ADARB1: variants seen among roughly 807,000 people sequenced by gnomAD.
ADARB1 encodes double-stranded RNA-specific editase 1.
In ADARB1, 10 loss-of-function variants were observed where a neutral mutation model predicts 52.4. That is an observed-to-expected ratio of 0.19 (90% CI 0.12 to 0.32). The LOEUF is 0.32. ADARB1 is among the 10% of genes least tolerant of loss of function. The probability of loss-of-function intolerance (pLI) is 1.00; values close to 1 mark genes in which losing one functional copy is unlikely to be tolerated. For missense variants in ADARB1, 643 were observed against 922.3 expected, an observed-to-expected ratio of 0.70 and a Z score of 3.92; for synonymous variants, 349 against 371.1, an observed-to-expected ratio of 0.94 and a Z score of 0.68.
chr21:45,129,384 C>G (rs2088791054), intron 2 of ADARB1, among the ~76,000 whole-genome samples: 1 of 152,222 alleles, frequency 6.6e-6, no homozygotes, highest in Non-Finnish European at 1.5e-5. Context: ...GAGTGACTAA[C>G]TCAGGAAGTC....
chr21:45,175,749 G>A lies in ADARB1; in HGVS notation c.48G>A (p.Val16=), dbSNP rs1413947451. The change falls in exon 4 of 11, where the codon GTG becomes GTA. Residue 16 remains valine (V), a synonymous_variant. Coordinates refer to ENST00000348831, the MANE Select transcript of ADARB1 (RefSeq NM_001112.4). ...CCACAGGTTCCAGCAGCACTGATGT[G>A]AAGGAAAACCGCAATCTGGACAACG... ...EENMSSSSTD[V]KENRNLDNVS... 1.2e-6 allele frequency: 2 copies of A among 1,614,070 alleles called. No individual in the cohort carries two copies. Among genetic ancestry groups the A allele is most frequent in the Admixed American group, 3.3e-5 (2 of 60,022 alleles).
intron 2 of ADARB1, among the ~76,000 whole-genome samples, chr21:45,141,174 C>A (rs1051903239): frequency 6.6e-6 from 1 of 151,998 alleles, no homozygotes; most frequent in African/African-American, 2.4e-5. Context: ...CCAGCCTGGG[C>A]GACAGAGCGA....
In ADARB1 at chr21:45,224,593, G is replaced by C. The variant is rs1332545065; in HGVS notation, c.*2396G>C. 2 of 655,180 alleles carry C rather than the reference G, an allele frequency of 3.1e-6. No homozygotes were observed. Among genetic ancestry groups the C allele is most frequent in the Non-Finnish European group, 3.4e-6 (2 of 595,356 alleles). The allele number at this position is 655,180 out of a possible 1,614,324, so 40.6% of individuals were successfully genotyped here. A position where few individuals can be genotyped will look rare whatever the true frequency, so the allele number is the denominator to read the frequency against. On this transcript the variant is annotated 3_prime_UTR_variant, in exon 11 of 11. Coordinates refer to ENST00000348831, the MANE Select transcript of ADARB1 (RefSeq NM_001112.4). The stretch of plus-strand genomic sequence containing the variant: ...GGGTGCCCTGGGCAGGGGGCTACTG[G>C]GGGGCGGCTGTGAGGAGGAGTTGGG...
chr21:45,204,658 T>G lies in ADARB1; in HGVS notation c.1669T>G (p.Ser557Ala), dbSNP rs755840209. The G allele has an allele frequency of 4.3e-6, 7 of 1,614,076 alleles. No individual in the cohort carries two copies. Among genetic ancestry groups the G allele is most frequent in the Non-Finnish European group, 1.7e-6 (2 of 1,180,052 alleles). ...CAGCCTTTACCACGGGGACCACCTT[T>G]CCAGGGCCATGTACCAGCGGATCTC... is the stretch of plus-strand genomic sequence containing the variant. ...LGSLYHGDHL[S>A]RAMYQRISNI... The change falls in exon 9 of 11, where the codon TCC becomes GCC. Residue 557 changes from serine (S) to alanine (A), a missense_variant. This residue lies in a region of ADARB1 where 263 missense variants were observed against 475.8 expected (regional missense o/e 0.55). Coordinates refer to ENST00000348831, the MANE Select transcript of ADARB1 (RefSeq NM_001112.4). This position sits in a 1 kb window ranked among gnomAD's most constrained non-coding sequence, Gnocchi z 4.4.
chr21:45,179,710 C>T (rs368867747), intron 4 of ADARB1, among the ~76,000 whole-genome samples: 194 of 152,100 alleles, frequency 1.3e-3, no homozygotes, highest in African/African-American at 4.5e-3. Flanking sequence ...TGAGCGGAGT[C>T]AGAGTGCATT....
chr21:45,159,084 T>A (rs2090824778), intron 2 of ADARB1, among the ~76,000 whole-genome samples: 1 of 152,182 alleles, frequency 6.6e-6, no homozygotes. Context: ...GCAAAGGTGA[T>A]CATCTGCATT....
intron 2 of ADARB1, among the ~76,000 whole-genome samples, chr21:45,129,047 G>C (rs1431632069): frequency 6.6e-6 from 1 of 152,026 alleles, no homozygotes; most frequent in Non-Finnish European, 1.5e-5. Flanking sequence ...CCTGGCCAAC[G>C]TGACGAAACC....
Position 45,172,657 on chromosome 21 carries a change from C to T in ADARB1, c.28+973C>T, listed in dbSNP as rs138042960. On this transcript the variant is annotated intron_variant, in intron 3 of 10. Coordinates refer to ENST00000348831, the MANE Select transcript of ADARB1 (RefSeq NM_001112.4). The surrounding 1 kb of genome is among the most constrained non-coding windows in gnomAD (Gnocchi z 4.4). Reference sequence around the variant, plus strand: ...CTGCCCCATGGGTGTGCTGTGGAGGCGGCTGGGCCTCTGCTCTATGGACTG... The same window carrying T: ...CTGCCCCATGGGTGTGCTGTGGAGGTGGCTGGGCCTCTGCTCTATGGACTG... Among the ~76,000 whole-genome samples, 263 of 152,250 alleles carry T rather than the reference C, an allele frequency of 1.7e-3. 3 individuals are homozygous for T. Among genetic ancestry groups the T allele is most frequent in the African/African-American group, 6.0e-3 (250 of 41,548 alleles).
At chr21:45,087,880 C>T (rs180817868) in intron 1 of ADARB1, among the ~76,000 whole-genome samples, 3 of 152,266 alleles carry the variant, frequency 2.0e-5, no homozygotes, top group African/African-American at 7.2e-5. Context: ...CTGAAGAGAA[C>T]TGTACAAAAT....
In ADARB1 at chr21:45,176,786, G is replaced by GTAACTCCTTCTGGT; in HGVS notation, c.963+122_963+123insTAACTCCTTCTGGT. 1 of 1,143,804 alleles carries GTAACTCCTTCTGGT rather than the reference G, an allele frequency of 8.7e-7. No individual in the cohort carries two copies. The highest frequency in any genetic ancestry group is 1.2e-6 in the Non-Finnish European group (1 of 831,178). 70.9% of individuals were successfully genotyped at this position (1,143,804 alleles called of 1,614,324 possible). A position where few individuals can be genotyped will look rare whatever the true frequency, so the allele number is the denominator to read the frequency against. On this transcript the variant is annotated intron_variant, in intron 4 of 10. Transcript: ENST00000348831. This position sits in a 1 kb window ranked among gnomAD's most constrained non-coding sequence, Gnocchi z 5.8. ...CCTTGACATCACTCTGTCCCCACCAGGAGGAGTTACTGGTAAGTCTGGCTG... is the reference window on the plus strand; with the variant it reads ...CCTTGACATCACTCTGTCCCCACCAGTAACTCCTTCTGGTGAGGAGTTACTGGTAAGTCTGGCTG...
chr21:45,191,794 A>C, intron 8 of ADARB1, among the ~76,000 whole-genome samples: 1 of 147,434 alleles, frequency 6.8e-6, no homozygotes. Context: ...CTACTTTCTG[A>C]AGTCTCTTCT....
chr21:45,190,622 C>T (rs2092254794), intron 8 of ADARB1, among the ~76,000 whole-genome samples: 1 of 135,270 alleles, frequency 7.4e-6, no homozygotes, highest in Non-Finnish European at 1.7e-5. Flanking sequence ...CACTAACAAG[C>T]TGGCTAAAAA....
chr21:45,164,157 C>T (rs573986772), intron 2 of ADARB1, among the ~76,000 whole-genome samples: 50 of 152,300 alleles, frequency 3.3e-4, no homozygotes, highest in African/African-American at 1.2e-3. Context: ...TCGCAGGCAC[C>T]ATCGAGGATG....
chr21:45,188,610 ATTG>A lies in ADARB1; in HGVS notation c.1565+3522_1565+3524del, dbSNP rs199721524. On this transcript the variant is annotated intron_variant, in intron 8 of 10. Coordinates refer to ENST00000348831, the MANE Select transcript of ADARB1 (RefSeq NM_001112.4). ...TCTCTTATAGACAGTACATAGTTGA[ATTG>A]TTTTTTTTTTTTAATCCATTTACCC... Among the ~76,000 whole-genome samples, 465 of 109,136 alleles carry A rather than the reference ATTG, an allele frequency of 4.3e-3. 7 individuals are homozygous for A. Among genetic ancestry groups the A allele is most frequent in the South Asian group, 0.02 (63 of 3,166 alleles). The allele number at this position is 109,136 out of a possible 152,430, so 71.6% of individuals were successfully genotyped here.
In ADARB1 at chr21:45,163,424, G is replaced by A. The variant is rs1008200043; in HGVS notation, c.-47-8186G>A. Among the ~76,000 whole-genome samples, 25 of 152,236 alleles carry A rather than the reference G, an allele frequency of 1.6e-4. 1 individual carries two copies. The highest frequency in any genetic ancestry group is 6.5e-5 in the Admixed American group (1 of 15,288). ...TGTGGACACTGAGGATGAGGCTTGA[G>A]TCTGTCCTAGCAGAGCTCAGGGCCT... On this transcript the variant is annotated intron_variant, in intron 2 of 10. Coordinates refer to ENST00000348831, the MANE Select transcript of ADARB1 (RefSeq NM_001112.4).
chr21:45,087,664 C>G (rs1408134598), intron 1 of ADARB1, among the ~76,000 whole-genome samples: 2 of 152,090 alleles, frequency 1.3e-5, no homozygotes, highest in Non-Finnish European at 2.9e-5. Flanking sequence ...TGTGGCCCAG[C>G]TCTTGAAACC....
At chr21:45,180,517 A>G (rs1426657407) in intron 5 of ADARB1, 73 bp downstream of exon 5, 102 of 1,249,186 alleles carry the variant, frequency 8.2e-5, no homozygotes, top group Non-Finnish European at 1.1e-4. Context: ...CTCAATCGAC[A>G]AAAACCACTG....
intron 2 of ADARB1, among the ~76,000 whole-genome samples, chr21:45,159,967 C>T (rs1286029529): frequency 1.3e-5 from 2 of 152,230 alleles, no homozygotes; most frequent in Non-Finnish European, 2.9e-5. Context: ...CAAAAGTCAA[C>T]GTATTAAAGC....
At chr21:45,108,064 A>G (rs7283619) in intron 1 of ADARB1, among the ~76,000 whole-genome samples, 12,357 of 152,218 alleles carry the variant, frequency 0.081, 576 homozygotes, top group East Asian at 0.15. Context: ...TCAAAAAAAA[A>G]GTAACAACTT....
Sources: gnomAD v4.1 joint callset for allele counts (sites outside exome capture counted in the v4.1 genomes callset) on GRCh38, gnomAD v4.1.1 for gene constraint, gnomAD v4.1.1 regional missense constraint, Gnocchi (gnomAD v3.1) non-coding constraint, MANE v1.5 for transcripts, NCBI Gene and HGNC (gene_info 2026-07-23, HGNC 2026-07-21) for gene names.